LIMS1: variants seen among roughly 807,000 people sequenced by gnomAD.
LIMS1 encodes the protein LIM and senescent cell antigen-like-containing domain protein 1.
Under a neutral mutation model 44.1 loss-of-function variants are expected in LIMS1, and 18 were observed. The observed-to-expected ratio is 0.41, with a 90% CI of 0.28 to 0.61. LIMS1 has a LOEUF of 0.61. Ranked by LOEUF, LIMS1 falls within the 20% of genes least tolerant of loss-of-function variation. The pLI, the probability that LIMS1 is intolerant of heterozygous loss-of-function variation, is 0.32. For synonymous variants in LIMS1, 93 were observed against 149.1 expected, an observed-to-expected ratio of 0.62 and a Z score of 2.74; for missense variants, 201 against 422.0, an observed-to-expected ratio of 0.48 and a Z score of 4.59.
At chr2:108,565,248 T>A (rs1225389564) in intron 1 of LIMS1, among the ~76,000 whole-genome samples, 1 of 152,238 alleles carries the variant, frequency 6.6e-6, no homozygotes, top group African/African-American at 2.4e-5. Flanking sequence ...TATGTTGTCA[T>A]GTTAGGACAT....
At chr2:108,565,239 A>G (rs188849935) in intron 1 of LIMS1, among the ~76,000 whole-genome samples, 3 of 152,344 alleles carry the variant, frequency 2.0e-5, no homozygotes, top group South Asian at 2.1e-4. Context: ...GCTAACAGCT[A>G]TGTTGTCATG....
Position 108,676,591 on chromosome 2 carries a change from G to A in LIMS1, c.682-15G>A. 1 of 1,557,358 alleles carries A rather than the reference G, an allele frequency of 6.4e-7. No homozygotes were observed. The highest frequency in any genetic ancestry group is 8.7e-7 in the Non-Finnish European group (1 of 1,155,292). Reference sequence around the variant, plus strand: ...TATGGCAATTCAAAAATGACCTATAGCAATTTTTTTTCAGCATTTTGTTTG... The same window carrying A: ...TATGGCAATTCAAAAATGACCTATAACAATTTTTTTTCAGCATTTTGTTTG... On this transcript the variant is annotated splice_polypyrimidine_tract_variant and intron_variant, in intron 6 of 9. Transcript: ENST00000544547.
intron 1 of LIMS1, among the ~76,000 whole-genome samples, chr2:108,574,183 G>A (rs1348068488): frequency 4.6e-5 from 7 of 152,212 alleles, no homozygotes; most frequent in Non-Finnish European, 4.4e-5. Flanking sequence ...CATGAGTTTT[G>A]TAATGGAGTT....
At chr2:108,671,800 A>G (rs1479950233) in intron 3 of LIMS1, among the ~76,000 whole-genome samples, 2 of 152,232 alleles carry the variant, frequency 1.3e-5, no homozygotes, top group Non-Finnish European at 2.9e-5. Flanking sequence ...AAAACAGCCC[A>G]AAAATGTGGC....
intron 1 of LIMS1, among the ~76,000 whole-genome samples, chr2:108,602,163 A>G (rs1340609042): frequency 1.3e-5 from 2 of 152,238 alleles, no homozygotes; most frequent in South Asian, 2.1e-4. Flanking sequence ...GTGTACTCCA[A>G]CTTTACTGAA....
At chr2:108,623,994 T>C (rs551283200) in intron 1 of LIMS1, among the ~76,000 whole-genome samples, 33 of 152,242 alleles carry the variant, frequency 2.2e-4, no homozygotes, top group Non-Finnish European at 3.7e-4. Flanking sequence ...AAAGGTGGCA[T>C]GACAAACACT....
chr2:108,607,463 A>T (rs777289936), intron 1 of LIMS1, among the ~76,000 whole-genome samples: 9 of 152,208 alleles, frequency 5.9e-5, no homozygotes, highest in Non-Finnish European at 1.2e-4. Flanking sequence ...TCTAACCTGG[A>T]TATAACCAGA....
intron 1 of LIMS1, among the ~76,000 whole-genome samples, chr2:108,619,500 A>G (rs1688121806): frequency 2.0e-5 from 3 of 152,090 alleles, no homozygotes; most frequent in Non-Finnish European, 2.9e-5. Flanking sequence ...CCTGGCCAAC[A>G]TGGCAAAACC....
At chr2:108,626,378 A>G (rs1688576897) in intron 1 of LIMS1, among the ~76,000 whole-genome samples, 1 of 152,206 alleles carries the variant, frequency 6.6e-6, no homozygotes, top group African/African-American at 2.4e-5. Context: ...TTAATAAGAA[A>G]TATTTTTCTC....
At chr2:108,687,100 A>G (rs1219959543) in exon 10 of LIMS1, 1 of 152,184 alleles carries the variant, frequency 6.6e-6, no homozygotes, top group Non-Finnish European at 1.5e-5. Flanking sequence ...AAGTTAAGGA[A>G]GTTTTTAGAT....
chr2:108,683,739 G>A, intron 9 of LIMS1, 146 bp from the exon 10 acceptor site: 1 of 430,722 alleles, frequency 2.3e-6, no homozygotes. Flanking sequence ...ATTGAGGTTA[G>A]GATTATGGTT....
chr2:108,603,255 T>C (rs934449207), intron 1 of LIMS1, among the ~76,000 whole-genome samples: 1 of 152,204 alleles, frequency 6.6e-6, no homozygotes, highest in African/African-American at 2.4e-5. Context: ...AGTGAAGCCG[T>C]CAGGTCCTGG....
chr2:108,600,834 A>G (rs1686967493), intron 1 of LIMS1, among the ~76,000 whole-genome samples: 1 of 152,204 alleles, frequency 6.6e-6, no homozygotes, highest in Non-Finnish European at 1.5e-5. Flanking sequence ...TTTTTGCTTA[A>G]GATAGCTTTG....
At chr2:108,656,064 A>G (rs1690811693) in intron 1 of LIMS1, among the ~76,000 whole-genome samples, 1 of 104,368 alleles carries the variant, frequency 9.6e-6, no homozygotes, top group African/African-American at 3.4e-5. Context: ...CACAACTCAC[A>G]GAGAGCTCTG....
chr2:108,589,984 G>A (rs942206290), intron 1 of LIMS1, among the ~76,000 whole-genome samples: 7 of 152,152 alleles, frequency 4.6e-5, no homozygotes, highest in Non-Finnish European at 1.0e-4. Flanking sequence ...TTGCTGTTGG[G>A]TGGAATTTCC....
At position 108,583,333 on chromosome 2, in the gene LIMS1, A is replaced by G. The variant is rs1238970446; in HGVS notation, c.32+48739A>G. ...GCTGGGACCACAGGCGTAAATCACC[A>G]CGCCTGGCCCAAAGGGTTTTGTTTT... On this transcript the variant is annotated intron_variant, in intron 1 of 9. Transcript: ENST00000544547. 2.0e-5 allele frequency among the ~76,000 whole-genome samples: 3 copies of G among 151,826 alleles called. No homozygotes were observed. The East Asian group carries it at 5.8e-4, about 29-fold the overall frequency.
chr2:108,682,155 A>G (rs1310176497), intron 9 of LIMS1, among the ~76,000 whole-genome samples: 1 of 152,148 alleles, frequency 6.6e-6, no homozygotes, highest in Non-Finnish European at 1.5e-5. Flanking sequence ...TTGGAGCTCT[A>G]AAAATATTTT....
intron 1 of LIMS1, among the ~76,000 whole-genome samples, chr2:108,619,756 GTAAAC>G (rs1314042185): frequency 6.6e-6 from 1 of 152,136 alleles, no homozygotes; most frequent in African/African-American, 2.4e-5. Flanking sequence ...TTCTATTACT[GTAAAC>G]TAAATTGTTT....
At chr2:108,637,803 T>C (rs1452414594) in intron 1 of LIMS1, among the ~76,000 whole-genome samples, 2 of 151,154 alleles carry the variant, frequency 1.3e-5, no homozygotes, top group Admixed American at 6.6e-5. Context: ...AGACATTTTC[T>C]AGTTAAAGTT....
Sources: gnomAD v4.1 joint callset for allele counts (sites outside exome capture counted in the v4.1 genomes callset) on GRCh38, gnomAD v4.1.1 for gene constraint, MANE v1.5 for transcripts, NCBI Gene and HGNC (gene_info 2026-07-23, HGNC 2026-07-21) for gene names.